PTPRT: variants seen among roughly 807,000 people sequenced by gnomAD.
PTPRT encodes receptor-type tyrosine-protein phosphatase T.
In PTPRT, 56 loss-of-function variants were observed where a neutral mutation model predicts 176.8. The ratio of observed to expected loss-of-function variants is 0.32; its 90% CI spans 0.26 to 0.40. The LOEUF (loss-of-function observed/expected upper bound fraction) is 0.40. Ranked by LOEUF, PTPRT falls within the 10% of genes least tolerant of loss-of-function variation. The probability of loss-of-function intolerance (pLI) is 1.00; values close to 1 mark genes in which losing one functional copy is unlikely to be tolerated. For synonymous variants in PTPRT, 783 were observed against 739.0 expected (o/e 1.06, Z -0.96); for missense variants, 1,540 against 1,908.2 (o/e 0.81, Z 3.60).
intron 7 of PTPRT, among the ~76,000 whole-genome samples, chr20:42,546,010 C>T (rs1032135441): frequency 1.2e-4 from 18 of 151,940 alleles, no homozygotes; most frequent in Non-Finnish European, 2.1e-4. Flanking sequence ...TTTCTTATAT[C>T]TCTTTCAATA....
intron 1 of PTPRT, among the ~76,000 whole-genome samples, chr20:43,062,308 G>C (rs891411389): frequency 6.6e-6 from 1 of 152,168 alleles, no homozygotes; most frequent in East Asian, 1.9e-4. Context: ...TTTCAATCTC[G>C]CTTTGTCTTT....
chr20:42,653,250 T>C (rs2075065252), intron 7 of PTPRT, among the ~76,000 whole-genome samples: 1 of 152,256 alleles, frequency 6.6e-6, no homozygotes, highest in South Asian at 2.1e-4. Context: ...AAGAAGGACA[T>C]GTTTGCTTCC....
chr20:42,328,496 T>A (rs1234967857), intron 11 of PTPRT, among the ~76,000 whole-genome samples: 1 of 151,948 alleles, frequency 6.6e-6, no homozygotes, highest in Non-Finnish European at 1.5e-5. Context: ...CAAGACAGAT[T>A]TAGTAATAGA....
intron 26 of PTPRT, 136 bp from the exon 27 acceptor site, chr20:42,098,688 T>A: frequency 8.6e-7 from 1 of 1,168,220 alleles, no homozygotes; most frequent in Non-Finnish European, 1.2e-6. Context: ...TGTTCTTTTA[T>A]CTCTCCACGC....
rs1291446155 is a variant in PTPRT at position 42,270,440 on chromosome 20, G to A, written c.2176+12049C>T. 19 of 1,550,940 alleles carry A rather than the reference G, an allele frequency of 1.2e-5. No individual in the cohort carries two copies. In the East Asian group the frequency reaches 1.7e-4, roughly 14 times the overall value. ...GTGGAGTCCCCGGGGTCACCTGGGC[G>A]CTGCCCATTGGTGCTGACCACAAGG... On this transcript the variant is annotated intron_variant, in intron 13 of 30. Coordinates refer to ENST00000373187, the MANE Select transcript of PTPRT (RefSeq NM_007050.6).
At position 42,634,000 on chromosome 20, in the gene PTPRT, T is replaced by TATA. The variant is rs1569038168; in HGVS notation, c.1153+43863_1153+43865dup. Among the ~76,000 whole-genome samples the TATA allele has an allele frequency of 9.5e-3, 206 of 21,700 alleles. 27 individuals are homozygous for TATA. Among genetic ancestry groups the TATA allele is most frequent in the African/African-American group, 0.053 (188 of 3,530 alleles). The allele number at this position is 21,700 out of a possible 152,430, so 14.2% of individuals were successfully genotyped here. The stretch of plus-strand genomic sequence containing the variant: ...ATATTATATATTATATTATATATAT[T>TATA]ATATATATATAATATATATATAATA... On this transcript the variant is annotated intron_variant, in intron 7 of 30. Coordinates refer to ENST00000373187, the MANE Select transcript of PTPRT (RefSeq NM_007050.6).
intron 2 of PTPRT, among the ~76,000 whole-genome samples, chr20:42,804,228 G>A (rs893415372): frequency 4.6e-5 from 7 of 152,018 alleles, no homozygotes; most frequent in African/African-American, 1.7e-4. Flanking sequence ...CCTCTCAGCT[G>A]CAAAGCTAGT....
intron 24 of PTPRT, among the ~76,000 whole-genome samples, chr20:42,105,964 G>A (rs1187471144): frequency 6.6e-6 from 1 of 152,202 alleles, no homozygotes; most frequent in Non-Finnish European, 1.5e-5. Context: ...CCAAGGTACA[G>A]AGTGGGATAG....
rs951719751 is a variant in PTPRT at position 42,270,439 on chromosome 20, C to T, written c.2176+12050G>A. 1.2e-5 allele frequency: 17 copies of T among 1,445,800 alleles called. No homozygotes were observed. The Admixed American group carries it at 1.3e-4, about 11-fold the overall frequency. 89.6% of individuals were successfully genotyped at this position (1,445,800 alleles called of 1,614,324 possible). On this transcript the variant is annotated intron_variant, in intron 13 of 30. Coordinates refer to ENST00000373187, the MANE Select transcript of PTPRT (RefSeq NM_007050.6). The stretch of plus-strand genomic sequence containing the variant: ...AGTGGAGTCCCCGGGGTCACCTGGG[C>T]GCTGCCCATTGGTGCTGACCACAAG...
At chr20:42,544,953 C>A (rs192536436) in intron 7 of PTPRT, among the ~76,000 whole-genome samples, 2 of 152,318 alleles carry the variant, frequency 1.3e-5, no homozygotes, top group Non-Finnish European at 2.9e-5. Context: ...GTGTCTGACC[C>A]AGACATGGGT....
chr20:42,303,508 T>C lies in PTPRT; in HGVS notation c.2139+12215A>G, dbSNP rs112595092. Among the ~76,000 whole-genome samples, 565 of 152,302 alleles carry C rather than the reference T, an allele frequency of 3.7e-3. 2 individuals are homozygous for C. Among genetic ancestry groups the C allele is most frequent in the African/African-American group, 0.012 (509 of 41,578 alleles). ...GGCATGAAACGGAGCAGTAAATGCA[T>C]AGGACTTTTAACTGCATTTTTCACA... is the stretch of plus-strand genomic sequence containing the variant. On this transcript the variant is annotated intron_variant, in intron 12 of 30. Coordinates refer to ENST00000373187, the MANE Select transcript of PTPRT (RefSeq NM_007050.6).
intron 3 of PTPRT, among the ~76,000 whole-genome samples, chr20:42,790,719 A>G (rs1201988704): frequency 6.6e-6 from 1 of 152,132 alleles, no homozygotes; most frequent in Non-Finnish European, 1.5e-5. Flanking sequence ...ATAAATTTGT[A>G]TTCATTCTTC....
chr20:42,353,656 CCACGGATCA>C (rs1345187605), intron 9 of PTPRT, among the ~76,000 whole-genome samples: 2 of 152,152 alleles, frequency 1.3e-5, no homozygotes, highest in African/African-American at 2.4e-5. Context: ...AGCACTGGTC[CCACGGATCA>C]CACTTTGAGT....
chr20:43,070,241 T>A (rs1467852812), intron 1 of PTPRT, among the ~76,000 whole-genome samples: 1 of 151,988 alleles, frequency 6.6e-6, no homozygotes, highest in Non-Finnish European at 1.5e-5. Flanking sequence ...GCTTCCTCCT[T>A]CTCCAAAGAA....
At chr20:42,091,581 G>A (rs1261860881) in intron 27 of PTPRT, among the ~76,000 whole-genome samples, 1 of 152,146 alleles carries the variant, frequency 6.6e-6, no homozygotes, top group African/African-American at 2.4e-5. Context: ...ATCAATCCCA[G>A]GCCACCTAAA....
At chr20:42,637,517 G>C (rs373644053) in intron 7 of PTPRT, among the ~76,000 whole-genome samples, 1 of 152,150 alleles carries the variant, frequency 6.6e-6, no homozygotes, top group African/African-American at 2.4e-5. Flanking sequence ...CAAAGGGCTT[G>C]CTATCTCACT....
At chr20:42,502,586 C>T (rs2071771790) in intron 7 of PTPRT, among the ~76,000 whole-genome samples, 1 of 151,948 alleles carries the variant, frequency 6.6e-6, no homozygotes, top group South Asian at 2.1e-4. Flanking sequence ...AACAGTTATC[C>T]ATATTGGGTA....
intron 7 of PTPRT, among the ~76,000 whole-genome samples, chr20:42,592,605 C>A (rs1392896411): frequency 6.6e-6 from 1 of 152,140 alleles, no homozygotes; most frequent in African/African-American, 2.4e-5. Flanking sequence ...TTTTTCAGAA[C>A]AAGGTAGAGA....
At chr20:42,227,600 G>GTTTTTTTTTTTTTTTTTTTTTTTT (rs10854224) in intron 15 of PTPRT, among the ~76,000 whole-genome samples, 1 of 61,868 alleles carries the variant, frequency 1.6e-5, no homozygotes, top group Non-Finnish European at 2.8e-5. Context: ...GTCCCTCATT[G>GTTTTTTTTTTTTTTTTTTTTTTTT]TTTTTTTTTT....
Sources: gnomAD v4.1 joint callset for allele counts (sites outside exome capture counted in the v4.1 genomes callset) on GRCh38, gnomAD v4.1.1 for gene constraint, MANE v1.5 for transcripts, NCBI Gene and HGNC (gene_info 2026-07-23, HGNC 2026-07-21) for gene names.